DEF8: variants seen among roughly 807,000 people sequenced by gnomAD.
DEF8 encodes the protein differentially expressed in FDCP 8 homolog.
DEF8 carries 38 observed loss-of-function variants against 59.1 expected under a neutral mutation model. The ratio of observed to expected loss-of-function variants is 0.64; its 90% confidence interval spans 0.50 to 0.84. The LOEUF (loss-of-function observed/expected upper bound fraction) is 0.84, where lower values mean the gene tolerates loss of function less well. Ranked by LOEUF, DEF8 falls within the 40% of genes least tolerant of loss-of-function variation. DEF8 has a pLI of 0.00. For synonymous variants in DEF8, 265 were observed against 250.1 expected (o/e 1.06, Z -0.56); for missense variants, 557 against 615.2 (o/e 0.91, Z 1.00).
intron 11 of DEF8, 29 bp from the exon 12 acceptor site, chr16:89,964,437 G>T: frequency 6.4e-7 from 1 of 1,565,290 alleles, no homozygotes; most frequent in South Asian, 1.2e-5. Context: ...TGACGTGCCC[G>T]TGCCCCAACC....
chr16:89,955,080 C>T (rs2032916403), intron 3 of DEF8, 89 bp from the exon 4 acceptor site: 1 of 1,030,060 alleles, frequency 9.7e-7, no homozygotes, highest in African/African-American at 1.6e-5. Context: ...GAATCCCTTT[C>T]CCACTCCTGG....
intron 6 of DEF8, chr16:89,959,514 A>T (rs1014103701): frequency 2.3e-6 from 1 of 437,638 alleles, no homozygotes; most frequent in South Asian, 2.9e-5. Flanking sequence ...TTTGTTTTTG[A>T]GACGGAGTCT....
intron 6 of DEF8, among the ~76,000 whole-genome samples, chr16:89,960,527 A>G (rs1273201269): frequency 2.0e-5 from 3 of 151,962 alleles, no homozygotes; most frequent in African/African-American, 7.2e-5. Flanking sequence ...TACAAAAACA[A>G]CAACAACAAA....
chr16:89,955,151 G>T lies in DEF8; in HGVS notation c.125-18G>T. The T allele has an allele frequency of 6.2e-7, 1 of 1,603,230 alleles. No homozygotes were observed. ...AGGTAGCAGCTGACGCTCCACACCT[G>T]TCCCCGTCTTCCTCCAGAGGCCCTG... On this transcript the variant is annotated intron_variant, in intron 3 of 12. Coordinates refer to ENST00000563594, the MANE Select transcript of DEF8 (RefSeq NM_001242818.2).
At chr16:89,962,927 G>A (rs2034222525) in intron 9 of DEF8, among the ~76,000 whole-genome samples, 1 of 152,226 alleles carries the variant, frequency 6.6e-6, no homozygotes, top group Non-Finnish European at 1.5e-5. Flanking sequence ...CGGGAGCCGA[G>A]GGCAGACGGG....
chr16:89,951,305 G>A lies in DEF8; in HGVS notation c.-11+1792G>A, dbSNP rs193212758. On this transcript the variant is annotated intron_variant, in intron 2 of 12. Coordinates refer to ENST00000563594, the MANE Select transcript of DEF8 (RefSeq NM_001242818.2). The stretch of plus-strand genomic sequence containing the variant: ...GGAGTCTCACTCTGTCACCCAAGCT[G>A]GAGTGCAGTGGCTCAATCTCGGCTC... Among the ~76,000 whole-genome samples the A allele has an allele frequency of 1.3e-3, 199 of 151,882 alleles. 2 individuals are homozygous for A. Among genetic ancestry groups the A allele is most frequent in the African/African-American group, 4.7e-3 (193 of 41,410 alleles).
intron 2 of DEF8, among the ~76,000 whole-genome samples, chr16:89,951,272 TC>T (rs1338344451): frequency 2.0e-5 from 3 of 151,958 alleles, no homozygotes; most frequent in Admixed American, 2.0e-4. Flanking sequence ...TTTTTTTTTT[TC>T]TGAGATGGAG....
intron 2 of DEF8, among the ~76,000 whole-genome samples, chr16:89,951,146 C>T (rs1158588402): frequency 2.0e-5 from 3 of 152,058 alleles, no homozygotes; most frequent in Non-Finnish European, 4.4e-5. Flanking sequence ...GGCAGAGAAA[C>T]GTTTATCCAC....
At chr16:89,951,900 T>C (rs949187343) in intron 2 of DEF8, among the ~76,000 whole-genome samples, 1 of 151,670 alleles carries the variant, frequency 6.6e-6, no homozygotes, top group Non-Finnish European at 1.5e-5. Context: ...TTTTTTGATA[T>C]GGAGTCTCGC....
rs530625101 is a variant in DEF8 at position 89,966,964 on chromosome 16, G to C, written c.*1001G>C. On this transcript the variant is annotated 3_prime_UTR_variant, in exon 13 of 13. Transcript: ENST00000563594. ...GAGCTGAGAGTATTCGCTCGACTGA[G>C]CACATTCAGGAAGATCAGGGCAGGC... The C allele has an allele frequency of 3.8e-6, 1 of 260,850 alleles. No homozygotes were observed. Among genetic ancestry groups the C allele is most frequent in the Non-Finnish European group, 7.2e-6 (1 of 138,458 alleles). The allele number at this position is 260,850 out of a possible 1,614,324, so 16.2% of individuals were successfully genotyped here.
intron 3 of DEF8, 139 bp from the exon 4 acceptor site, chr16:89,955,030 T>C: frequency 1.5e-6 from 1 of 646,710 alleles, no homozygotes; most frequent in Non-Finnish European, 2.8e-6. Flanking sequence ...ATCTGAGTGG[T>C]GCCCAGCTCT....
chr16:89,950,338 C>T, intron 2 of DEF8: 1 of 985,404 alleles, frequency 1.0e-6, no homozygotes, highest in Non-Finnish European at 1.2e-6. Context: ...AGTAGGTGTT[C>T]CCCCTGATTT....
chr16:89,964,125 G>A (rs1412669596), intron 10 of DEF8, 45 bp from the exon 11 acceptor site: 14 of 1,613,264 alleles, frequency 8.7e-6, no homozygotes, highest in Non-Finnish European at 1.2e-5. Flanking sequence ...GCGGTGGGAG[G>A]GGCCCTCCCC....
At chr16:89,963,289 C>T (rs778533326) in intron 9 of DEF8, 74 bp from the exon 10 acceptor site, 10 of 1,349,894 alleles carry the variant, frequency 7.4e-6, no homozygotes, top group East Asian at 7.2e-5. Context: ...GCCGTGGCCC[C>T]GGGTGTGCGG....
At chr16:89,949,315 TG>T in intron 1 of DEF8, 101 bp from the exon 2 acceptor site, 1 of 907,180 alleles carries the variant, frequency 1.1e-6, no homozygotes, top group Non-Finnish European at 1.6e-6. Context: ...GTGGAACGGG[TG>T]GGTGGGAGAG....
intron 2 of DEF8, chr16:89,950,465 T>C (rs2031815198): frequency 2.2e-6 from 1 of 449,514 alleles, no homozygotes; most frequent in African/African-American, 2.1e-5. Flanking sequence ...CTCGGCTCAC[T>C]GCAACCTCCA....
At chr16:89,949,534 G>A in intron 2 of DEF8, 21 bp downstream of exon 2, 1 of 1,613,448 alleles carries the variant, frequency 6.2e-7, no homozygotes, top group Non-Finnish European at 8.5e-7. Context: ...ACAGGACGCT[G>A]TTGACTCCGC....
chr16:89,961,763 T>A lies in DEF8; in HGVS notation c.706T>A (p.Cys236Ser). The change falls in exon 8 of 13, where the codon TGC (cysteine) becomes AGC (serine). Residue 236 changes from cysteine to serine, a missense_variant. Physicochemically the swap from Cys to Ser is moderately radical, Grantham distance 112. Transcript: ENST00000563594. ...GGGTGTGCCCAGTGAGGCCAGGCAG[T>A]GCGACTACACCGGCCAGTACTACTG... Reference protein sequence around the residue: ...LRGVPSEARQCDYTGQYYCSH... With the variant: ...LRGVPSEARQSDYTGQYYCSH... The A allele has an allele frequency of 6.2e-7, 1 of 1,613,456 alleles. No homozygotes were observed. The highest frequency in any genetic ancestry group is 8.5e-7 in the Non-Finnish European group (1 of 1,179,982).
intron 6 of DEF8, chr16:89,959,378 G>C: frequency 7.0e-7 from 1 of 1,422,982 alleles, no homozygotes; most frequent in African/African-American, 1.4e-5. Flanking sequence ...GGTGTGTCTA[G>C]TTTGTACAAT....
Sources: allele counts gnomAD v4.1 joint callset (sites outside exome capture counted in the v4.1 genomes callset), GRCh38; gene constraint gnomAD v4.1.1; transcripts MANE v1.5; gene names NCBI Gene and HGNC (gene_info 2026-07-23, HGNC 2026-07-21).